ZNF423: variants seen among roughly 807,000 people sequenced by gnomAD.
The protein encoded by ZNF423 is Ebf-associated zinc finger protein.
Under a neutral mutation model 95.8 loss-of-function variants are expected in ZNF423, and 12 were observed. The ratio of observed to expected loss-of-function variants is 0.13; its 90% CI spans 0.08 to 0.20. ZNF423 has a LOEUF of 0.20. ZNF423 is among the 10% of genes least tolerant of loss of function. The pLI is 1.00. For missense variants in ZNF423, 1,316 were observed against 1,737.1 expected (o/e 0.76, Z 4.31); for synonymous variants, 749 against 711.9 (o/e 1.05, Z -0.83).
rs201361462 is a variant in ZNF423 at position 49,590,029 on chromosome 16, A to AATATATATATAT, written c.3601+36129_3601+36140dup. Among the ~76,000 whole-genome samples, 354 of 97,582 alleles carry AATATATATATAT rather than the reference A, an allele frequency of 3.6e-3. 32 individuals carry two copies. Among genetic ancestry groups the AATATATATATAT allele is most frequent in the East Asian group, 0.025 (50 of 1,988 alleles). 64.0% of individuals were successfully genotyped at this position (97,582 alleles called of 152,430 possible). ...GGGATGGGGTAAAGGGGAAGTGGCG[A>AATATATATATAT]ATATATATATATATATATATATTTG... is the stretch of plus-strand genomic sequence containing the variant. On this transcript the variant is annotated intron_variant, in intron 5 of 7. Transcript: ENST00000563137.
intron 5 of ZNF423, among the ~76,000 whole-genome samples, chr16:49,623,339 C>T (rs1972149609): frequency 6.6e-6 from 1 of 152,214 alleles, no homozygotes; most frequent in South Asian, 2.1e-4. Flanking sequence ...CCCTCACACC[C>T]TCCTTTTGTG....
intron 3 of ZNF423, among the ~76,000 whole-genome samples, chr16:49,729,951 A>G (rs1377407773): frequency 6.6e-6 from 1 of 152,136 alleles, no homozygotes; most frequent in African/African-American, 2.4e-5. Flanking sequence ...CCAGTATCCA[A>G]GGAGCTTCAT....
At chr16:49,827,488 T>C (rs1235578468) in intron 1 of ZNF423, among the ~76,000 whole-genome samples, 1 of 151,882 alleles carries the variant, frequency 6.6e-6, no homozygotes, top group African/African-American at 2.4e-5. Flanking sequence ...TAATACTTGA[T>C]TGGATGGAAG....
chr16:49,855,074 G>C lies in ZNF423; in HGVS notation c.40+661C>G. ...AACTCCTGGCGGAGGCTCCCTGCCC[G>C]GTGGGCCTCGGTGGAGGAGGCAGGA... On this transcript the variant is annotated intron_variant, in intron 1 of 7. Coordinates refer to ENST00000563137, the MANE Select transcript of ZNF423 (RefSeq NM_001379286.1). This position sits in a 1 kb window ranked among gnomAD's most constrained non-coding sequence, Gnocchi z 4.7. The C allele has an allele frequency of 1.1e-5, 11 of 979,720 alleles. No homozygotes were observed. Among genetic ancestry groups the C allele is most frequent in the Non-Finnish European group, 1.2e-5 (10 of 825,234 alleles). The allele number at this position is 979,720 out of a possible 1,614,324, so 60.7% of individuals were successfully genotyped here.
At position 49,638,036 on chromosome 16, in the gene ZNF423, G is replaced by A. The variant is rs370201380; in HGVS notation, c.1140C>T (p.Pro380=). 4.4e-5 allele frequency: 71 copies of A among 1,613,994 alleles called. No homozygotes were observed. The highest frequency in any genetic ancestry group is 1.9e-4 in the African/African-American group (14 of 75,058). ...CACGCTCCACAGAGGCGCTGGAGTC[G>A]GGTGTGGCGCTGCTCATGGAGGCCA... ...GSVASMSSAT[P]DSSASVERGS... The change falls in exon 4 of 8, where the codon CCC becomes CCT. Residue 380 remains proline, a synonymous_variant. Transcript: ENST00000563137. This position sits in a 1 kb window ranked among gnomAD's most constrained non-coding sequence, Gnocchi z 5.6.
chr16:49,821,858 C>T (rs2034946582), intron 1 of ZNF423, among the ~76,000 whole-genome samples: 1 of 152,214 alleles, frequency 6.6e-6, no homozygotes, highest in Admixed American at 6.5e-5. Flanking sequence ...CCCAGACCCT[C>T]TGCAGCCTCC....
At chr16:49,626,629 T>C (rs1254142865) in intron 4 of ZNF423, among the ~76,000 whole-genome samples, 2 of 138,580 alleles carry the variant, frequency 1.4e-5, no homozygotes, top group East Asian at 4.9e-4. Context: ...ACATACACAA[T>C]CACCCATCTA....
At chr16:49,858,598 G>A (rs2035397019), upstream of ZNF423, among the ~76,000 whole-genome samples, 1 of 152,030 alleles carries the variant, frequency 6.6e-6, no homozygotes, top group African/African-American at 2.4e-5. This position sits in a 1 kb window ranked among gnomAD's most constrained non-coding sequence, Gnocchi z 4.3. Flanking sequence ...CCCCTAACTA[G>A]ACCTAAGCCT....
At chr16:49,754,355 A>G (rs2033687033) in intron 2 of ZNF423, among the ~76,000 whole-genome samples, 1 of 152,228 alleles carries the variant, frequency 6.6e-6, no homozygotes, top group Admixed American at 6.5e-5. Flanking sequence ...TGCCTGGTCC[A>G]GAAGAGATTC....
At chr16:49,676,565 C>G (rs2031057293) in intron 3 of ZNF423, among the ~76,000 whole-genome samples, 1 of 152,044 alleles carries the variant, frequency 6.6e-6, no homozygotes, top group Non-Finnish European at 1.5e-5. Context: ...CCAGTATGCT[C>G]CAGGTCCACC....
At chr16:49,808,385 A>G (rs1382199501) in intron 1 of ZNF423, among the ~76,000 whole-genome samples, 1 of 152,220 alleles carries the variant, frequency 6.6e-6, no homozygotes, top group Non-Finnish European at 1.5e-5. Context: ...AGACAATAAA[A>G]TAAACATAAG....
chr16:49,521,432 A>G (rs1004470275), intron 7 of ZNF423, among the ~76,000 whole-genome samples: 10 of 152,216 alleles, frequency 6.6e-5, no homozygotes, highest in African/African-American at 2.4e-4. Context: ...AGGCGGCTGC[A>G]TGGACTGCAC....
chr16:49,779,642 C>T (rs573251555), intron 2 of ZNF423, among the ~76,000 whole-genome samples: 2 of 152,094 alleles, frequency 1.3e-5, no homozygotes, highest in Non-Finnish European at 2.9e-5. Flanking sequence ...TGGCACCCCA[C>T]CCCACACACC....
chr16:49,525,563 C>T, intron 5 of ZNF423, 69 bp from the exon 6 acceptor site: 1 of 1,597,516 alleles, frequency 6.3e-7, no homozygotes. Flanking sequence ...CTCACAAGGC[C>T]TCCCATAGAC....
chr16:49,519,519 T>C, intron 7 of ZNF423, among the ~76,000 whole-genome samples: 1 of 152,202 alleles, frequency 6.6e-6, no homozygotes, highest in East Asian at 1.9e-4. Flanking sequence ...CTAATGATGT[T>C]CATTTTCTTT....
chr16:49,493,653 A>G (rs1253514498), intron 7 of ZNF423, among the ~76,000 whole-genome samples: 1 of 152,204 alleles, frequency 6.6e-6, no homozygotes, highest in Non-Finnish European at 1.5e-5. Flanking sequence ...TTGTCCTCAA[A>G]TTATGGTTCC....
intron 5 of ZNF423, among the ~76,000 whole-genome samples, chr16:49,620,132 T>TATAC (rs113110308): frequency 7.0e-6 from 1 of 143,776 alleles, no homozygotes; most frequent in Non-Finnish European, 1.5e-5. Context: ...CTCTCTCTTC[T>TATAC]ACACACACAC....
chr16:49,856,147 G>GC (rs1404031631), upstream of ZNF423: 2 of 29,606 alleles, frequency 6.8e-5, no homozygotes, highest in East Asian at 1.3e-3. Context: ...AAAAAAAGCC[G>GC]CCCCCCTCCT....
chr16:49,538,289 C>T (rs1969123945), intron 5 of ZNF423, among the ~76,000 whole-genome samples: 1 of 152,206 alleles, frequency 6.6e-6, no homozygotes, highest in Non-Finnish European at 1.5e-5. Context: ...GTGAGCAGTG[C>T]CAGGCCCACA....
Sources: gnomAD v4.1 joint callset for allele counts (sites outside exome capture counted in the v4.1 genomes callset) on GRCh38, gnomAD v4.1.1 for gene constraint, Gnocchi (gnomAD v3.1) non-coding constraint, MANE v1.5 for transcripts, NCBI Gene and HGNC (gene_info 2026-07-23, HGNC 2026-07-21) for gene names.